The following STK10 variants were observed in gnomAD, a reference collection of about 807,000 sequenced individuals.
STK10 encodes the protein serine/threonine-protein kinase 10.
In STK10, 78 loss-of-function variants were observed where a neutral mutation model predicts 113.8. That is an observed-to-expected ratio of 0.69 (90% CI 0.57 to 0.83). The LOEUF is 0.83. Among genes scored for constraint, STK10 ranks in the 40% least tolerant of loss-of-function variants. STK10 has a pLI of 0.00. For synonymous variants in STK10, 465 were observed against 494.7 expected (o/e 0.94, Z 0.80); for missense variants, 1,109 against 1,280.1 (o/e 0.87, Z 2.04).
At chr5:172,106,879 C>A (rs1561810363) in intron 5 of STK10, 65 bp from the exon 6 acceptor site, 8 of 1,509,206 alleles carry the variant, frequency 5.3e-6, no homozygotes, top group Non-Finnish European at 7.1e-6. Flanking sequence ...CTTGGACATT[C>A]AGGGTCAAGG....
At chr5:172,148,171 G>A (rs1053244557) in intron 2 of STK10, among the ~76,000 whole-genome samples, 4 of 152,240 alleles carry the variant, frequency 2.6e-5, no homozygotes, top group East Asian at 1.9e-4. Context: ...CATCCCCGAC[G>A]TCCAGATGAG....
Position 172,156,680 on chromosome 5 carries a change from C to G in STK10, c.265G>C (p.Asp89His), listed in dbSNP as rs766536823. 6.2e-7 allele frequency: 1 copy of G among 1,613,944 alleles called. No homozygotes were observed. Among genetic ancestry groups the G allele is most frequent in the Non-Finnish European group, 8.5e-7 (1 of 1,179,996 alleles). Residue 89 changes from aspartate (D) to histidine (H), a missense_variant, in exon 2 of 19, where the codon GAC (aspartate) becomes CAC (histidine). This residue lies in a region of STK10 where 120 missense variants were observed against 134.8 expected (regional missense o/e 0.89). Transcript: ENST00000176763. ...IVEIEILATC[D>H]HPYIVKLLGA... Reference sequence around the variant, plus strand: ...AGGAGCTTCACAATGTAGGGGTGGTCGCAGGTGGCCAGGATCTCAATCTCC... The same window carrying G: ...AGGAGCTTCACAATGTAGGGGTGGTGGCAGGTGGCCAGGATCTCAATCTCC...
At chr5:172,116,594 G>T (rs6889774) in intron 4 of STK10, among the ~76,000 whole-genome samples, 1 of 151,884 alleles carries the variant, frequency 6.6e-6, no homozygotes, top group African/African-American at 2.4e-5. Flanking sequence ...TGAGCCGGGC[G>T]GGGTGGTTCA....
In STK10 at chr5:172,117,480, C is replaced by G. The variant is rs1769412559; in HGVS notation, c.520+1G>C. 6.2e-7 allele frequency: 1 copy of G among 1,610,674 alleles called. No individual in the cohort carries two copies. Among genetic ancestry groups the G allele is most frequent in the South Asian group, 1.1e-5 (1 of 90,994 alleles). ...CACCTTTCCCACCCTGAGCCCCTTA[C>G]CCAGCCTGATGTCTCCCTCGAGGGT... is the stretch of plus-strand genomic sequence containing the variant. On this transcript the variant is annotated splice_donor_variant, in intron 4 of 18. Coordinates refer to ENST00000176763, the MANE Select transcript of STK10 (RefSeq NM_005990.4). LOFTEE classifies it high-confidence loss of function.
intron 10 of STK10, among the ~76,000 whole-genome samples, chr5:172,087,284 TTTAC>T (rs1394755687): frequency 5.5e-4 from 79 of 143,036 alleles, no homozygotes; most frequent in African/African-American, 2.4e-3. Flanking sequence ...TATTTATTTA[TTTAC>T]TTTTGAGACA....
chr5:172,117,272 G>A (rs1185476126), intron 4 of STK10, among the ~76,000 whole-genome samples: 2 of 151,830 alleles, frequency 1.3e-5, no homozygotes, highest in Non-Finnish European at 2.9e-5. Context: ...GAGCAAGACT[G>A]CCTCAAAAAA....
chr5:172,059,102 C>T (rs879434186), intron 14 of STK10, among the ~76,000 whole-genome samples: 1 of 149,376 alleles, frequency 6.7e-6, no homozygotes, highest in Non-Finnish European at 1.5e-5. Flanking sequence ...TGGTGGCGGG[C>T]GCCTGTAGTC....
At chr5:172,047,987 C>G (rs1047569011) in intron 18 of STK10, among the ~76,000 whole-genome samples, 8 of 147,056 alleles carry the variant, frequency 5.4e-5, no homozygotes, top group Non-Finnish European at 1.2e-4. Flanking sequence ...ACTGCAACCT[C>G]CGCCTCCCGG....
intron 1 of STK10, among the ~76,000 whole-genome samples, chr5:172,170,122 C>CTT (rs11347358): frequency 3.3e-5 from 4 of 119,430 alleles, no homozygotes; most frequent in Non-Finnish European, 5.2e-5. Context: ...AGTATGTATC[C>CTT]TTTTTTTTTT....
intron 4 of STK10, among the ~76,000 whole-genome samples, chr5:172,111,421 T>C (rs1254516477): frequency 1.3e-5 from 2 of 152,152 alleles, no homozygotes; most frequent in African/African-American, 4.8e-5. Flanking sequence ...CCCCAGGGCC[T>C]CCCTCAGGCA....
chr5:172,078,619 TAAAAAAAAAAAAAAAAAAA>T (rs58823824), intron 12 of STK10, among the ~76,000 whole-genome samples: 1 of 72,824 alleles, frequency 1.4e-5, no homozygotes, highest in Non-Finnish European at 3.1e-5. Context: ...GCCTCATCAT[TAAAAAAAAAAAAAAAAAAA>T]AAAAAAAAAA....
At chr5:172,178,034 G>A (rs188146793) in intron 1 of STK10, among the ~76,000 whole-genome samples, 1 of 152,220 alleles carries the variant, frequency 6.6e-6, no homozygotes. Context: ...CACCATGTTG[G>A]CCAGGCTGGT....
At position 172,093,740 on chromosome 5, in the gene STK10, G is replaced by A. The variant is rs1470027467; in HGVS notation, c.1226C>T (p.Pro409Leu). ...GNENGLAVPV[P>L]LRKSRPVSMD... Reference sequence around the variant, plus strand: ...TGACACGGGTCGGGACTTCCGCAGGGGCACAGGCACTGCCAGGCCGTTCTC... The same window carrying A: ...TGACACGGGTCGGGACTTCCGCAGGAGCACAGGCACTGCCAGGCCGTTCTC... Residue 409 changes from proline (P) to leucine (L), a missense_variant, in exon 9 of 19, where the codon CCC becomes CTC. Physicochemically the swap from Pro to Leu is moderately conservative, Grantham distance 98. This residue lies in a region of STK10 where 885 missense variants were observed against 991.1 expected (regional missense o/e 0.89). Transcript: ENST00000176763. This position sits in a 1 kb window ranked among gnomAD's most constrained non-coding sequence, Gnocchi z 4.1. 1 of 1,613,324 alleles carries A rather than the reference G, an allele frequency of 6.2e-7. No individual in the cohort carries two copies. Among genetic ancestry groups the A allele is most frequent in the Non-Finnish European group, 8.5e-7 (1 of 1,179,284 alleles).
chr5:172,150,717 T>C (rs911956547), intron 2 of STK10, among the ~76,000 whole-genome samples: 1 of 152,150 alleles, frequency 6.6e-6, no homozygotes, highest in African/African-American at 2.4e-5. Flanking sequence ...CAGCAACGTG[T>C]GGTCATATGG....
intron 12 of STK10, among the ~76,000 whole-genome samples, chr5:172,076,493 G>A (rs1255541947): frequency 6.6e-6 from 1 of 150,710 alleles, no homozygotes; most frequent in African/African-American, 2.5e-5. Flanking sequence ...GGGGCGTCCT[G>A]TGCGTTAGTT....
chr5:172,055,680 T>G lies in STK10; in HGVS notation c.2434A>C (p.Ser812Arg). The G allele has an allele frequency of 6.3e-7, 1 of 1,586,928 alleles. No individual in the cohort carries two copies. Among genetic ancestry groups the G allele is most frequent in the Non-Finnish European group, 8.6e-7 (1 of 1,164,396 alleles). The change falls in exon 16 of 19, where the codon AGT (serine) becomes CGT (arginine). Residue 812 changes from serine to arginine, a missense_variant. Physicochemically the swap from Ser to Arg is moderately radical, Grantham distance 110 (BLOSUM62 -1). This residue lies in a region of STK10 where 885 missense variants were observed against 991.1 expected (regional missense o/e 0.89). Transcript: ENST00000176763. ...ATGGCCATGCGCGTCTTGCCCTCAC[T>G]CCTCTGGATCTTGGGCAGCCGCGCC... is the stretch of plus-strand genomic sequence containing the variant. ...EKARLPKIQR[S>R]EGKTRMAMYK... is the part of the protein sequence containing the mutation.
chr5:172,061,050 G>A, intron 14 of STK10, 89 bp downstream of exon 14: 2 of 1,489,428 alleles, frequency 1.3e-6, no homozygotes, highest in Non-Finnish European at 8.9e-7. Flanking sequence ...GAAGGCCTGG[G>A]AGGTTCTTGT....
intron 1 of STK10, among the ~76,000 whole-genome samples, chr5:172,162,934 A>G (rs1420035087): frequency 6.6e-6 from 1 of 152,236 alleles, no homozygotes; most frequent in Non-Finnish European, 1.5e-5. Flanking sequence ...GGCCTCAGCC[A>G]GTACCAGTGT....
At chr5:172,094,271 C>T (rs1297299351) in intron 8 of STK10, among the ~76,000 whole-genome samples, 1 of 152,238 alleles carries the variant, frequency 6.6e-6, no homozygotes, top group Non-Finnish European at 1.5e-5. Context: ...GGGTCAGTGG[C>T]CGCTCCATTC....
Sources: allele counts gnomAD v4.1 joint callset (sites outside exome capture counted in the v4.1 genomes callset), GRCh38; gene constraint gnomAD v4.1.1; regional missense constraint gnomAD v4.1.1; non-coding constraint Gnocchi (gnomAD v3.1); transcripts MANE v1.5; gene names NCBI Gene and HGNC (gene_info 2026-07-23, HGNC 2026-07-21).